RIMS1: variants seen among roughly 807,000 people sequenced by gnomAD.
RIMS1 encodes regulating synaptic membrane exocytosis protein 1.
RIMS1 carries 83 observed loss-of-function variants against 214.1 expected under a neutral mutation model. That is an observed-to-expected ratio of 0.39 (90% confidence interval 0.32 to 0.47). RIMS1 has a LOEUF of 0.47. RIMS1 is among the 20% of genes least tolerant of loss of function. The pLI, the probability that RIMS1 is intolerant of heterozygous loss-of-function variation, is 0.99. For missense variants in RIMS1, 2,050 were observed against 2,161.8 expected (o/e 0.95, Z 1.03); for synonymous variants, 793 against 786.8 (o/e 1.01, Z -0.13).
chr6:71,948,057 T>G (rs1306459457), intron 1 of RIMS1, among the ~76,000 whole-genome samples: 3 of 152,164 alleles, frequency 2.0e-5, no homozygotes, highest in Admixed American at 2.0e-4. Context: ...TTCAAGATAC[T>G]GAAGTAATGG....
At chr6:72,033,945 G>C (rs188683268) in intron 2 of RIMS1, among the ~76,000 whole-genome samples, 277 of 152,226 alleles carry the variant, frequency 1.8e-3, no homozygotes, top group Non-Finnish European at 3.1e-3. Flanking sequence ...ATAGTAACTA[G>C]TGTTATAATT....
intron 9 of RIMS1, among the ~76,000 whole-genome samples, chr6:72,240,017 C>T (rs2066037828): frequency 1.3e-5 from 2 of 152,178 alleles, no homozygotes; most frequent in African/African-American, 4.8e-5. Context: ...CCTGGCACCA[C>T]TTGACTCTAT....
At chr6:72,209,914 A>G (rs1589154008) in intron 6 of RIMS1, among the ~76,000 whole-genome samples, 1 of 42,322 alleles carries the variant, frequency 2.4e-5, no homozygotes, top group African/African-American at 2.0e-4. Flanking sequence ...AAAAAAAAAA[A>G]AAAAAAAAAA....
Position 72,313,553 on chromosome 6 carries a change from CA to C in RIMS1, c.4014del (p.Lys1338AsnfsTer59), listed in dbSNP as rs2095615460. 1 of 1,613,754 alleles carries C rather than the reference CA, an allele frequency of 6.2e-7. No individual in the cohort carries two copies. The highest frequency in any genetic ancestry group is 8.5e-7 in the Non-Finnish European group (1 of 1,179,818). On this transcript the variant is annotated frameshift_variant, in exon 28 of 34. Transcript: ENST00000521978. ...QYRSCDNVSA[K>X]SSDSDVSDVS... ...ACAGAAGCTGTGATAACGTCTCTGC[CA>C]AATCATCAGATAGTGATGTCAGTGA...
intron 2 of RIMS1, among the ~76,000 whole-genome samples, chr6:71,979,628 T>C (rs1383322422): frequency 6.6e-6 from 1 of 152,140 alleles, no homozygotes; most frequent in Non-Finnish European, 1.5e-5. Flanking sequence ...ATAATTTTTT[T>C]GGTCAATCCT....
At chr6:72,121,027 C>A (rs907721600) in intron 4 of RIMS1, among the ~76,000 whole-genome samples, 1 of 151,720 alleles carries the variant, frequency 6.6e-6, no homozygotes, top group Non-Finnish European at 1.5e-5. Context: ...TGTTTTTGTA[C>A]CAGTAGCATG....
chr6:71,916,430 A>G (rs1778449694), intron 1 of RIMS1, among the ~76,000 whole-genome samples: 1 of 152,100 alleles, frequency 6.6e-6, no homozygotes, highest in South Asian at 2.1e-4. Flanking sequence ...AGCGGTAATA[A>G]AATTTTACTT....
chr6:72,211,739 GATATT>G (rs745503441), intron 6 of RIMS1, among the ~76,000 whole-genome samples: 7 of 152,024 alleles, frequency 4.6e-5, no homozygotes, highest in Non-Finnish European at 8.8e-5. Context: ...GAATTTCTAA[GATATT>G]ATATGTGATC....
chr6:72,242,235 C>A, intron 9 of RIMS1, 79 bp from the exon 10 acceptor site: 8 of 1,174,130 alleles, frequency 6.8e-6, no homozygotes, highest in South Asian at 1.5e-5. Context: ...TTTTGCATTT[C>A]TTTGTTAAAA....
intron 6 of RIMS1, among the ~76,000 whole-genome samples, chr6:72,185,858 A>G (rs1442233450): frequency 1.3e-5 from 2 of 152,204 alleles, no homozygotes; most frequent in Non-Finnish European, 2.9e-5. Flanking sequence ...TCTGACATCC[A>G]GAGACAGCAA....
chr6:72,264,603 T>C (rs529245251), intron 19 of RIMS1, among the ~76,000 whole-genome samples: 8 of 152,306 alleles, frequency 5.3e-5, no homozygotes, highest in African/African-American at 1.7e-4. Flanking sequence ...TCTAAAATTA[T>C]ATAAATTAGT....
At chr6:72,193,836 A>G (rs905538716) in intron 6 of RIMS1, among the ~76,000 whole-genome samples, 13 of 152,166 alleles carry the variant, frequency 8.5e-5, no homozygotes, top group African/African-American at 2.4e-4. Flanking sequence ...TGAGATAATT[A>G]TCAATATCTA....
chr6:71,938,808 C>G (rs1785218195), intron 1 of RIMS1, among the ~76,000 whole-genome samples: 1 of 152,154 alleles, frequency 6.6e-6, no homozygotes, highest in Non-Finnish European at 1.5e-5. Flanking sequence ...ACCTGGCTTC[C>G]TTTTATCTAT....
chr6:72,289,991 A>G (rs746660096), intron 24 of RIMS1, among the ~76,000 whole-genome samples: 3 of 152,194 alleles, frequency 2.0e-5, no homozygotes, highest in Non-Finnish European at 4.4e-5. Flanking sequence ...CCATAGTAAT[A>G]TAGTTGTCAA....
At chr6:72,373,565 G>C (rs1224537902) in intron 29 of RIMS1, among the ~76,000 whole-genome samples, 1 of 152,240 alleles carries the variant, frequency 6.6e-6, no homozygotes, top group Non-Finnish European at 1.5e-5. Flanking sequence ...GGAAAGAAGA[G>C]AGGCAGAAAG....
chr6:72,247,186 A>G (rs1184225561), intron 11 of RIMS1, among the ~76,000 whole-genome samples: 2 of 152,058 alleles, frequency 1.3e-5, no homozygotes, highest in South Asian at 2.1e-4. Flanking sequence ...CTGAGAGGAG[A>G]CCCAGCCTCC....
chr6:72,182,906 A>G lies in RIMS1; in HGVS notation c.1435A>G (p.Ser479Gly), dbSNP rs981039386. The part of the protein sequence containing the change: ...PLRKQSRLDP[S>G]SAVLMRKAKR... The stretch of plus-strand genomic sequence containing the variant: ...CAGGAAGCAGAGCCGCCTGGACCCC[A>G]GCTCGGCGGTCCTCATGCGGAAGGC... Residue 479 changes from serine (S) to glycine (G), a missense_variant, in exon 6 of 34, where the codon AGC becomes GGC. Transcript: ENST00000521978. The G allele has an allele frequency of 1.0e-5, 16 of 1,576,776 alleles. No homozygotes were observed. The highest frequency in any genetic ancestry group is 1.4e-5 in the Non-Finnish European group (16 of 1,162,736).
chr6:72,255,661 C>CT (rs2075494861), intron 16 of RIMS1, among the ~76,000 whole-genome samples: 1 of 152,086 alleles, frequency 6.6e-6, no homozygotes, highest in Admixed American at 6.6e-5. Context: ...GGTGAGGAAT[C>CT]TAGCAACTTC....
intron 29 of RIMS1, chr6:72,366,711 G>A (rs945105532): frequency 1.0e-6 from 1 of 985,748 alleles, no homozygotes; most frequent in Non-Finnish European, 1.2e-6. Flanking sequence ...AGAGAGAATG[G>A]GAGAGAGACA....
Sources: gnomAD v4.1 joint callset for allele counts (sites outside exome capture counted in the v4.1 genomes callset) on GRCh38, gnomAD v4.1.1 for gene constraint, MANE v1.5 for transcripts, NCBI Gene and HGNC (gene_info 2026-07-23, HGNC 2026-07-21) for gene names.